Variants in KCNK2 observed in about 807,000 individuals in gnomAD.
The protein encoded by KCNK2 is potassium two pore domain channel subfamily K member 2.
In KCNK2, 21 loss-of-function variants were observed where a neutral mutation model predicts 40.5. The observed-to-expected ratio is 0.52, with a 90% CI of 0.37 to 0.75. The LOEUF is 0.75. KCNK2 is among the 30% of genes least tolerant of loss of function. The pLI is 0.00. For synonymous variants in KCNK2, 191 were observed against 202.2 expected, an observed-to-expected ratio of 0.94 and a Z score of 0.47; for missense variants, 399 against 531.6, an observed-to-expected ratio of 0.75 and a Z score of 2.45.
chr1:215,143,885 T>C (rs1662295618), intron 3 of KCNK2, among the ~76,000 whole-genome samples: 1 of 152,196 alleles, frequency 6.6e-6, no homozygotes, highest in East Asian at 1.9e-4. Flanking sequence ...TATGCCATTG[T>C]TGCCTTTGGA....
intron 1 of KCNK2, among the ~76,000 whole-genome samples, chr1:215,054,783 C>T (rs767738566): frequency 9.9e-5 from 15 of 152,270 alleles, no homozygotes; most frequent in Non-Finnish European, 8.8e-5. Context: ...CCACACAAAC[C>T]AATCAAGGCT....
In KCNK2 at chr1:215,122,448, A is replaced by C. The variant is rs529584682; in HGVS notation, c.358-2185A>C. ...GATACTATAGTTACAACACAGAGTT[A>C]GATGAATAGAATTAGCTATCTCAAG... is the stretch of plus-strand genomic sequence containing the variant. On this transcript the variant is annotated intron_variant, in intron 2 of 6. Transcript: ENST00000444842. 1.7e-4 allele frequency among the ~76,000 whole-genome samples: 26 copies of C among 152,308 alleles called. No individual in the cohort carries two copies. The South Asian group carries it at 5.4e-3, about 32-fold the overall frequency.
intron 3 of KCNK2, among the ~76,000 whole-genome samples, chr1:215,142,317 C>G (rs941801285): frequency 2.0e-5 from 3 of 152,074 alleles, no homozygotes; most frequent in African/African-American, 7.2e-5. Context: ...AATCATTCTT[C>G]CATTTCCTCA....
chr1:215,076,790 A>AC (rs1658956044), intron 1 of KCNK2, among the ~76,000 whole-genome samples: 1 of 151,580 alleles, frequency 6.6e-6, no homozygotes, highest in South Asian at 2.1e-4. Context: ...CAACTTAGGG[A>AC]CCCCCCACAG....
At chr1:215,227,961 A>AAT (rs1553276175) in intron 6 of KCNK2, among the ~76,000 whole-genome samples, 1 of 151,718 alleles carries the variant, frequency 6.6e-6, no homozygotes, top group Non-Finnish European at 1.5e-5. Context: ...TAAGTTAAAA[A>AAT]AAAAAAGTTA....
Position 215,083,221 on chromosome 1 carries a change from G to GGGC in KCNK2, c.-165_-164insGGC. 1 of 537,722 alleles carries GGGC rather than the reference G, an allele frequency of 1.9e-6. No individual in the cohort carries two copies. Among genetic ancestry groups the GGGC allele is most frequent in the Non-Finnish European group, 2.7e-6 (1 of 372,914 alleles). The allele number at this position is 537,722 out of a possible 1,614,324, so 33.3% of individuals were successfully genotyped here. A position where few individuals can be genotyped will look rare whatever the true frequency, so the allele number is the denominator to read the frequency against. On this transcript the variant is annotated 5_prime_UTR_variant, in exon 1 of 7. Coordinates refer to ENST00000444842, the MANE Select transcript of KCNK2 (RefSeq NM_001017425.3). Reference sequence around the variant, plus strand: ...CCCCCCCCGCCCCCTCCCGCGTCCAGCCCCGCTCTCCCCACCTTGTAAAAC... The same window carrying GGGC: ...CCCCCCCCGCCCCCTCCCGCGTCCAGGGCCCCCGCTCTCCCCACCTTGTAAAAC...
At chr1:215,194,436 G>T (rs1225376425) in intron 5 of KCNK2, among the ~76,000 whole-genome samples, 2 of 152,146 alleles carry the variant, frequency 1.3e-5, no homozygotes, top group African/African-American at 4.8e-5. Context: ...TCTGGCATTT[G>T]TTAGTGATTC....
At position 215,235,040 on chromosome 1, in the gene KCNK2, G is replaced by C; in HGVS notation, c.1176G>C (p.Glu392Asp). Residue 392 changes from glutamate (E) to aspartate (D), a missense_variant, in exon 7 of 7, where the codon GAG (glutamate) becomes GAC (aspartate). Coordinates refer to ENST00000444842, the MANE Select transcript of KCNK2 (RefSeq NM_001017425.3). ...TGTCAGTGAACCACCTGACCAGCGA[G>C]AGGGATGTCTTGCCTCCCTTACTGA... The part of the protein sequence containing the change: ...RTLSVNHLTS[E>D]RDVLPPLLKT... 1 of 1,614,034 alleles carries C rather than the reference G, an allele frequency of 6.2e-7. No individual in the cohort carries two copies. The highest frequency in any genetic ancestry group is 8.5e-7 in the Non-Finnish European group (1 of 1,179,954).
intron 6 of KCNK2, among the ~76,000 whole-genome samples, chr1:215,218,202 G>T (rs1001091132): frequency 6.6e-6 from 1 of 152,098 alleles, no homozygotes. Context: ...TAGAGTTGTG[G>T]TCAGAGATTA....
chr1:215,069,365 T>C (rs1658669919), intron 1 of KCNK2, among the ~76,000 whole-genome samples: 1 of 152,208 alleles, frequency 6.6e-6, no homozygotes, highest in Non-Finnish European at 1.5e-5. Context: ...GGCTGGAATT[T>C]GACTCCTTCT....
chr1:215,150,971 TATG>T (rs537169592), intron 3 of KCNK2, among the ~76,000 whole-genome samples: 46 of 152,214 alleles, frequency 3.0e-4, no homozygotes, highest in African/African-American at 8.7e-4. Context: ...TAATATTGAA[TATG>T]ATATTAAATA....
intron 3 of KCNK2, among the ~76,000 whole-genome samples, chr1:215,166,870 G>A (rs1663469743): frequency 6.6e-6 from 1 of 152,060 alleles, no homozygotes; most frequent in Non-Finnish European, 1.5e-5. Flanking sequence ...TAAAGAAAGT[G>A]TAGGATTTCT....
chr1:215,096,056 C>T (rs537974334), intron 2 of KCNK2, among the ~76,000 whole-genome samples: 7 of 152,114 alleles, frequency 4.6e-5, no homozygotes, highest in African/African-American at 9.6e-5. Flanking sequence ...TTGGATTATA[C>T]GACTTTTATC....
At chr1:215,227,568 T>G (rs1666435239) in intron 6 of KCNK2, among the ~76,000 whole-genome samples, 1 of 152,144 alleles carries the variant, frequency 6.6e-6, no homozygotes, top group Non-Finnish European at 1.5e-5. Context: ...GGAACTTTAT[T>G]GTAAGTGAAA....
chr1:215,125,143 G>A (rs1194215235), intron 3 of KCNK2, among the ~76,000 whole-genome samples: 1 of 151,812 alleles, frequency 6.6e-6, no homozygotes, highest in East Asian at 1.9e-4. Context: ...TCACCTTTTC[G>A]AATTTGTAAA....
intron 1 of KCNK2, among the ~76,000 whole-genome samples, chr1:215,020,424 CTTTA>C (rs1333625681): frequency 3.3e-5 from 5 of 152,228 alleles, no homozygotes; most frequent in South Asian, 4.1e-4. Context: ...CAGTACATTT[CTTTA>C]TTTAATTTAT....
upstream of KCNK2, among the ~76,000 whole-genome samples, chr1:215,080,084 A>G (rs919596207): frequency 6.6e-6 from 1 of 152,242 alleles, no homozygotes; most frequent in African/African-American, 2.4e-5. Context: ...ATGAATTGAT[A>G]GCAAAAAGCA....
intron 1 of KCNK2, among the ~76,000 whole-genome samples, chr1:215,009,988 T>C (rs1195646772): frequency 6.6e-6 from 1 of 152,190 alleles, no homozygotes; most frequent in Non-Finnish European, 1.5e-5. Context: ...AACTGTATTT[T>C]ATGTGTGTGT....
intron 2 of KCNK2, among the ~76,000 whole-genome samples, chr1:215,098,274 T>G (rs1660067422): frequency 6.6e-6 from 1 of 151,998 alleles, no homozygotes; most frequent in Non-Finnish European, 1.5e-5. Context: ...CTTTCTTTTT[T>G]AAAACAATTC....
Sources: gnomAD v4.1 joint callset for allele counts (sites outside exome capture counted in the v4.1 genomes callset) on GRCh38, gnomAD v4.1.1 for gene constraint, MANE v1.5 for transcripts, NCBI Gene and HGNC (gene_info 2026-07-23, HGNC 2026-07-21) for gene names.